SLC16A9: variants seen among roughly 807,000 people sequenced by gnomAD.
The protein encoded by SLC16A9 is monocarboxylate transporter 9.
Under a neutral mutation model 44.3 loss-of-function variants are expected in SLC16A9, and 26 were observed. That is an observed-to-expected ratio of 0.59 (90% CI 0.43 to 0.81). The LOEUF (loss-of-function observed/expected upper bound fraction) is 0.81. Among genes scored for constraint, SLC16A9 ranks in the 40% least tolerant of loss-of-function variants. SLC16A9 has a pLI of 0.00. For missense variants in SLC16A9, 559 were observed against 595.8 expected, an observed-to-expected ratio of 0.94 and a Z score of 0.64; for synonymous variants, 230 against 225.1, an observed-to-expected ratio of 1.02 and a Z score of -0.19.
At position 59,700,881 on chromosome 10, in the gene SLC16A9, C is replaced by A. The variant is rs866943585; in HGVS notation, c.-37+8598G>T. 8.3e-4 allele frequency among the ~76,000 whole-genome samples: 126 copies of A among 152,272 alleles called. 3 individuals carry two copies. The highest frequency in any genetic ancestry group is 3.4e-3 in the Middle Eastern group (1 of 294). ...CTCTGTTTTTATGAACCACTGCCCC[C>A]TTGGCTTTCGTGAGCCCACTGCAAG... is the stretch of plus-strand genomic sequence containing the variant. On this transcript the variant is annotated intron_variant, in intron 1 of 5. Transcript: ENST00000395348.
intron 1 of SLC16A9, among the ~76,000 whole-genome samples, chr10:59,692,019 AT>A (rs1840263780): frequency 6.6e-6 from 1 of 152,152 alleles, no homozygotes; most frequent in Non-Finnish European, 1.5e-5. Flanking sequence ...AATAACCCCC[AT>A]TTGAGCATTG....
intron 1 of SLC16A9, among the ~76,000 whole-genome samples, chr10:59,692,956 A>G (rs1485287073): frequency 2.0e-5 from 3 of 152,232 alleles, no homozygotes; most frequent in Non-Finnish European, 2.9e-5. Flanking sequence ...GAAGCTCCCA[A>G]TTCAAATACA....
At chr10:59,692,867 C>T (rs537716057) in intron 1 of SLC16A9, among the ~76,000 whole-genome samples, 8 of 152,298 alleles carry the variant, frequency 5.3e-5, no homozygotes, top group Admixed American at 5.2e-4. Context: ...TGGGTGTTTT[C>T]ATGAAATGTA....
At chr10:59,706,752 C>T (rs893748902) in intron 1 of SLC16A9, among the ~76,000 whole-genome samples, 1 of 152,008 alleles carries the variant, frequency 6.6e-6, no homozygotes, top group African/African-American at 2.4e-5. Flanking sequence ...GCGGGTTGAT[C>T]ACCTGAGGTC....
Position 59,684,103 on chromosome 10 carries a change from CAAGCCA to C in SLC16A9, c.183_188del (p.Gly62_Leu63del). On this transcript the variant is annotated inframe_deletion, in exon 2 of 6. Coordinates refer to ENST00000395348, the MANE Select transcript of SLC16A9 (RefSeq NM_194298.3). The stretch of plus-strand genomic sequence containing the variant: ...ATTAATTTATCCACTTACTTGCAAG[CAAGCCA>C]ACTCCACTTGCCAGGGATCCAACCC... 1 of 1,609,498 alleles carries C rather than the reference CAAGCCA, an allele frequency of 6.2e-7. No homozygotes were observed. The highest frequency in any genetic ancestry group is 1.1e-5 in the South Asian group (1 of 90,280).
At chr10:59,707,159 G>A (rs1401838993) in intron 1 of SLC16A9, among the ~76,000 whole-genome samples, 1 of 151,142 alleles carries the variant, frequency 6.6e-6, no homozygotes, top group African/African-American at 2.4e-5. Context: ...GCTGAGGTGC[G>A]AGGATCACCT....
At chr10:59,656,422 T>C (rs1454754704) in intron 4 of SLC16A9, among the ~76,000 whole-genome samples, 1 of 152,256 alleles carries the variant, frequency 6.6e-6, no homozygotes, top group Non-Finnish European at 1.5e-5. Flanking sequence ...AACTTTCCTA[T>C]TCTTGCCAAC....
Position 59,693,172 on chromosome 10 carries a change from T to C in SLC16A9, c.-36-8845A>G, listed in dbSNP as rs1239176917. Among the ~76,000 whole-genome samples the C allele has an allele frequency of 3.3e-5, 5 of 152,224 alleles. No individual in the cohort carries two copies. The East Asian group carries it at 9.6e-4, about 29-fold the overall frequency. On this transcript the variant is annotated intron_variant, in intron 1 of 5. Coordinates refer to ENST00000395348, the MANE Select transcript of SLC16A9 (RefSeq NM_194298.3). ...ACAGTGTCAACACACTTATAACTGATTTTTATAACAATTTTTAAGTAGGAC... is the reference window on the plus strand; with the variant it reads ...ACAGTGTCAACACACTTATAACTGACTTTTATAACAATTTTTAAGTAGGAC...
At chr10:59,688,501 A>T (rs1324482265) in intron 1 of SLC16A9, among the ~76,000 whole-genome samples, 3 of 152,136 alleles carry the variant, frequency 2.0e-5, no homozygotes, top group African/African-American at 7.2e-5. Context: ...TGTTAACAGA[A>T]TTATCCAAAC....
intron 3 of SLC16A9, among the ~76,000 whole-genome samples, chr10:59,670,265 C>G (rs1191796173): frequency 1.3e-5 from 2 of 152,076 alleles, no homozygotes; most frequent in South Asian, 2.1e-4. Context: ...CCTCCATGAA[C>G]TCATATCAGT....
intron 1 of SLC16A9, among the ~76,000 whole-genome samples, chr10:59,699,935 CA>C (rs1284885062): frequency 6.7e-6 from 1 of 149,074 alleles, no homozygotes; most frequent in Non-Finnish European, 1.5e-5. Flanking sequence ...CACACACACA[CA>C]TACACACATT....
At chr10:59,659,455 C>T (rs1043120398) in intron 4 of SLC16A9, among the ~76,000 whole-genome samples, 1 of 152,058 alleles carries the variant, frequency 6.6e-6, no homozygotes, top group African/African-American at 2.4e-5. Flanking sequence ...GCTAACAATC[C>T]TAAATATATA....
At chr10:59,707,889 C>A (rs777866898) in intron 1 of SLC16A9, among the ~76,000 whole-genome samples, 3 of 152,214 alleles carry the variant, frequency 2.0e-5, no homozygotes, top group Non-Finnish European at 2.9e-5. Context: ...TTCACACCAC[C>A]TTTTCAGACT....
rs930271282 is a variant in SLC16A9, at chr10:59,652,203, G to C, written c.*569C>G. The C allele has an allele frequency of 2.0e-5, 3 of 152,208 alleles. No individual in the cohort carries two copies. Among genetic ancestry groups the C allele is most frequent in the African/African-American group, 7.2e-5 (3 of 41,450 alleles). The allele number at this position is 152,208 out of a possible 1,614,324, so 9.4% of individuals were successfully genotyped here. ...AGAATAATGAAAACTGGTGACTGTA[G>C]GTTAAAATATATTTTTTTAAAAAAT... is the stretch of plus-strand genomic sequence containing the variant. On this transcript the variant is annotated 3_prime_UTR_variant, in exon 6 of 6. Coordinates refer to ENST00000395348, the MANE Select transcript of SLC16A9 (RefSeq NM_194298.3).
rs1840454596 is a variant in SLC16A9 at position 59,698,692 on chromosome 10, C to G, written c.-37+10787G>C. On this transcript the variant is annotated intron_variant, in intron 1 of 5. Coordinates refer to ENST00000395348, the MANE Select transcript of SLC16A9 (RefSeq NM_194298.3). ...GATACTTGCCCCAATTCTTTGTGTC[C>G]AAGCCACACTCAGCTGACAAAAGCC... 2.0e-5 allele frequency among the ~76,000 whole-genome samples: 3 copies of G among 152,004 alleles called. No individual in the cohort carries two copies. The South Asian group carries it at 6.2e-4, about 32-fold the overall frequency.
intron 1 of SLC16A9, among the ~76,000 whole-genome samples, chr10:59,694,200 A>G (rs1840317803): frequency 6.6e-6 from 1 of 152,108 alleles, no homozygotes; most frequent in Non-Finnish European, 1.5e-5. Flanking sequence ...CGGCCTCCCA[A>G]AGTGCTGGGA....
intron 1 of SLC16A9, among the ~76,000 whole-genome samples, chr10:59,690,954 A>G (rs1278989678): frequency 2.0e-5 from 3 of 152,128 alleles, no homozygotes; most frequent in Non-Finnish European, 4.4e-5. Context: ...GCATGGTGGC[A>G]CGCGCCTGTA....
At chr10:59,679,219 G>A (rs1369578050) in intron 2 of SLC16A9, among the ~76,000 whole-genome samples, 1 of 152,124 alleles carries the variant, frequency 6.6e-6, no homozygotes, top group African/African-American at 2.4e-5. Context: ...TGAATTTGGA[G>A]AACAATATCT....
intron 2 of SLC16A9, among the ~76,000 whole-genome samples, chr10:59,680,335 C>G (rs1323150096): frequency 6.6e-6 from 1 of 152,106 alleles, no homozygotes; most frequent in Non-Finnish European, 1.5e-5. Context: ...AGCTACTGTC[C>G]AAATCTAGGT....
Sources: gnomAD v4.1 joint callset for allele counts (sites outside exome capture counted in the v4.1 genomes callset) on GRCh38, gnomAD v4.1.1 for gene constraint, MANE v1.5 for transcripts, NCBI Gene and HGNC (gene_info 2026-07-23, HGNC 2026-07-21) for gene names.